SLC25A32: variants seen among roughly 807,000 people sequenced by gnomAD.
SLC25A32 encodes the protein Glycine auxotroph B, complementation of hamster.
In SLC25A32, 32 loss-of-function variants were observed where a neutral mutation model predicts 39.0. The observed-to-expected ratio is 0.82, with a 90% CI of 0.62 to 1.10. The LOEUF is 1.10. SLC25A32 is among the 50% of genes least tolerant of loss of function. The probability of loss-of-function intolerance (pLI) is 0.00; values close to 1 mark genes in which losing one functional copy is unlikely to be tolerated. For missense variants in SLC25A32, 367 were observed against 395.3 expected, an observed-to-expected ratio of 0.93 and a Z score of 0.61; for synonymous variants, 166 against 152.4, an observed-to-expected ratio of 1.09 and a Z score of -0.66.
intron 3 of SLC25A32, among the ~76,000 whole-genome samples, chr8:103,403,903 T>C (rs1236689069): frequency 6.6e-6 from 1 of 152,230 alleles, no homozygotes; most frequent in African/African-American, 2.4e-5. Flanking sequence ...AAAAAATTCA[T>C]CTGGTTAAGT....
At position 103,414,963 on chromosome 8, in the gene SLC25A32, G is replaced by A. The variant is rs771664298; in HGVS notation, c.-26C>T. ...AGGCTCGGGGCCCGTCGACACCACG[G>A]CGCCCAGGGCCGCGGAGGTGGGACG... On this transcript the variant is annotated 5_prime_UTR_variant, in exon 1 of 7. Transcript: ENST00000297578. 1 of 1,586,726 alleles carries A rather than the reference G, an allele frequency of 6.3e-7. No homozygotes were observed. Among genetic ancestry groups the A allele is most frequent in the East Asian group, 2.3e-5 (1 of 43,002 alleles).
rs1563721924 is a variant in SLC25A32 at position 103,414,809 on chromosome 8, G to A, written c.129C>T (p.Leu43=). Residue 43 remains leucine, a synonymous_variant, in exon 1 of 7, where the codon CTC becomes CTT. Transcript: ENST00000297578. The part of the protein sequence containing the change: ...GVLSNLALHP[L]DLVKIRFAVS... The stretch of plus-strand genomic sequence containing the variant: ...CGGCGAAGCGGATCTTCACGAGGTC[G>A]AGCGGATGCAGCGCAAGGTTGGATA... The A allele has an allele frequency of 1.9e-6, 3 of 1,613,690 alleles. No individual in the cohort carries two copies. Among genetic ancestry groups the A allele is most frequent in the Non-Finnish European group, 2.5e-6 (3 of 1,180,054 alleles).
intron 1 of SLC25A32, among the ~76,000 whole-genome samples, chr8:103,408,541 G>A (rs1816391091): frequency 6.6e-6 from 1 of 150,482 alleles, no homozygotes; most frequent in Admixed American, 6.6e-5. Context: ...AGACTGAGGA[G>A]TGGCAGGAAA....
intron 1 of SLC25A32, chr8:103,414,564 C>G: frequency 6.4e-6 from 4 of 620,456 alleles, no homozygotes; most frequent in Middle Eastern, 8.8e-4. Flanking sequence ...TCTCAGACTT[C>G]TCTACATACA....
At chr8:103,409,177 T>C (rs1485429933) in intron 1 of SLC25A32, among the ~76,000 whole-genome samples, 2 of 152,110 alleles carry the variant, frequency 1.3e-5, no homozygotes, top group Non-Finnish European at 1.5e-5. Context: ...ATAAGTAGAG[T>C]ATTAAGTATC....
chr8:103,404,127 T>G (rs1316985270), intron 3 of SLC25A32, among the ~76,000 whole-genome samples: 4 of 152,174 alleles, frequency 2.6e-5, no homozygotes. Context: ...AGTGAGGCGA[T>G]TAAACAAGGC....
Position 103,415,042 on chromosome 8 carries a change from C to T in SLC25A32, c.-105G>A, listed in dbSNP as rs746663173. On this transcript the variant is annotated 5_prime_UTR_variant, in exon 1 of 7. In the 5' UTR this introduces an upstream ATG that the reference lacks. Transcript: ENST00000297578. The stretch of plus-strand genomic sequence containing the variant: ...GTCGCCCCTTGTGAGCGCAACCCCA[C>T]CTCCGGGACCAACGAGAGGACTCTT... 4 of 1,595,188 alleles carry T rather than the reference C, an allele frequency of 2.5e-6. No homozygotes were observed. In the Admixed American group the frequency reaches 5.3e-5, roughly 21 times the overall value.
Position 103,400,129 on chromosome 8 carries a change from C to A in SLC25A32, c.*282G>T. ...GCAAATGTTGCAAATCAGCTTCCAC[C>A]AATAAAACGTAGAAATCTGTGAAAC... On this transcript the variant is annotated 3_prime_UTR_variant, in exon 7 of 7. Coordinates refer to ENST00000297578, the MANE Select transcript of SLC25A32 (RefSeq NM_030780.5). The A allele has an allele frequency of 2.6e-6, 1 of 380,276 alleles. No homozygotes were observed. Among genetic ancestry groups the A allele is most frequent in the Non-Finnish European group, 4.7e-6 (1 of 211,060 alleles). The allele number at this position is 380,276 out of a possible 1,614,324, so 23.6% of individuals were successfully genotyped here. A position where few individuals can be genotyped will look rare whatever the true frequency, so the allele number is the denominator to read the frequency against.
intron 4 of SLC25A32, 89 bp from the exon 5 acceptor site, chr8:103,402,143 CA>C: frequency 1.2e-6 from 1 of 802,054 alleles, no homozygotes; most frequent in Non-Finnish European, 1.9e-6. Flanking sequence ...TCTCTCATTA[CA>C]GCACTTTAAG....
rs1816219176 is a variant in SLC25A32 at position 103,401,580 on chromosome 8, C to A, written c.748G>T (p.Ala250Ser). The change falls in exon 6 of 7, where the codon GCT becomes TCT. Residue 250 changes from alanine (A) to serine (S), a missense_variant. Physicochemically the swap from Ala to Ser is moderately conservative, Grantham distance 99 (BLOSUM62 1). Coordinates refer to ENST00000297578, the MANE Select transcript of SLC25A32 (RefSeq NM_030780.5). ...AATYPYQVVR[A>S]RLQDQHMFYS... Reference sequence around the variant, plus strand: ...AACATGTGTTGATCCTGAAGACGAGCTCTTACGACTTGATATGGGTATGTT... The same window carrying A: ...AACATGTGTTGATCCTGAAGACGAGATCTTACGACTTGATATGGGTATGTT... The A allele has an allele frequency of 6.2e-7, 1 of 1,613,828 alleles. No individual in the cohort carries two copies. The highest frequency in any genetic ancestry group is 1.3e-5 in the African/African-American group (1 of 74,926).
At chr8:103,407,069 C>A (rs564091761) in intron 2 of SLC25A32, among the ~76,000 whole-genome samples, 1 of 152,030 alleles carries the variant, frequency 6.6e-6, no homozygotes, top group Non-Finnish European at 1.5e-5. Context: ...AATAACAAAC[C>A]GACTGATTCA....
chr8:103,408,111 G>C (rs1346829539), intron 1 of SLC25A32, among the ~76,000 whole-genome samples: 1 of 151,170 alleles, frequency 6.6e-6, no homozygotes, highest in African/African-American at 2.4e-5. Context: ...CCTAGTAGCT[G>C]GGATAACAGG....
chr8:103,403,138 T>C (rs1344784118), intron 4 of SLC25A32, 26 bp downstream of exon 4: 7 of 1,499,884 alleles, frequency 4.7e-6, no homozygotes, highest in Non-Finnish European at 1.8e-6. Context: ...TTTTCAGTTA[T>C]TTAAAATATA....
Position 103,414,804 on chromosome 8 carries a change from A to C in SLC25A32, c.134T>G (p.Leu45Arg), listed in dbSNP as rs535047258. The C allele has an allele frequency of 6.2e-7, 1 of 1,613,788 alleles. No individual in the cohort carries two copies. The highest frequency in any genetic ancestry group is 1.1e-5 in the South Asian group (1 of 91,086). ...LSNLALHPLD[L>R]VKIRFAVSDG... ...CTTACCGGCGAAGCGGATCTTCACG[A>C]GGTCGAGCGGATGCAGCGCAAGGTT... Residue 45 changes from leucine (L) to arginine (R), a missense_variant, in exon 1 of 7, where the codon CTC (leucine) becomes CGC (arginine). Coordinates refer to ENST00000297578, the MANE Select transcript of SLC25A32 (RefSeq NM_030780.5).
chr8:103,404,194 A>G (rs1482551795), intron 3 of SLC25A32, among the ~76,000 whole-genome samples: 1 of 152,242 alleles, frequency 6.6e-6, no homozygotes, highest in African/African-American at 2.4e-5. Context: ...ACTATACCAA[A>G]TCATTTTAAA....
chr8:103,409,008 T>C (rs1032970289), intron 1 of SLC25A32, among the ~76,000 whole-genome samples: 5 of 152,190 alleles, frequency 3.3e-5, no homozygotes, highest in Non-Finnish European at 7.3e-5. Flanking sequence ...TTTCATTTCA[T>C]CTCTCTGTAG....
In SLC25A32 at chr8:103,407,775, C is replaced by A. The variant is rs1332049392; in HGVS notation, c.164G>T (p.Gly55Val). ...LVKIRFAVSD[G>V]LELRPKYNGI... is the part of the protein sequence containing the mutation. ...ATTATATTTCGGTCTCAGTTCCAAT[C>A]CATCACTCACTGCATCAAGGGATAC... The change falls in exon 2 of 7, where the codon GGA becomes GTA. Residue 55 changes from glycine (G) to valine (V), a missense_variant. Coordinates refer to ENST00000297578, the MANE Select transcript of SLC25A32 (RefSeq NM_030780.5). The A allele has an allele frequency of 6.2e-7, 1 of 1,612,884 alleles. No homozygotes were observed. Among genetic ancestry groups the A allele is most frequent in the East Asian group, 2.2e-5 (1 of 44,802 alleles).
rs1428862093 is a variant in SLC25A32, at chr8:103,402,028, T to C, written c.579A>G (p.Thr193=). Residue 193 remains threonine (T), a synonymous_variant, in exon 5 of 7, where the codon ACA becomes ACG. Transcript: ENST00000297578. The part of the protein sequence containing the change: ...YKGFVPGLFG[T]SHGALQFMAY... ...CCATAAACTGAAGGGCACCATGCGATGTTCCAAACAGCCCAGGAACAAATC... is the reference window on the plus strand; with the variant it reads ...CCATAAACTGAAGGGCACCATGCGACGTTCCAAACAGCCCAGGAACAAATC... 3 of 1,612,940 alleles carry C rather than the reference T, an allele frequency of 1.9e-6. No homozygotes were observed. The highest frequency in any genetic ancestry group is 1.7e-6 in the Non-Finnish European group (2 of 1,179,394).
Position 103,404,826 on chromosome 8 carries a change from C to T in SLC25A32, c.341G>A (p.Arg114Lys), listed in dbSNP as rs1322976701. 6.2e-7 allele frequency: 1 copy of T among 1,613,264 alleles called. No individual in the cohort carries two copies. Among genetic ancestry groups the T allele is most frequent in the Non-Finnish European group, 8.5e-7 (1 of 1,179,370 alleles). ...NAIKSYKTEG[R>K]AERLEATEYL... ...TTCTGTTGCCTCTAAACGTTCAGCT[C>T]TTCCTTCTGTTTTATATGACTTGAT... Residue 114 changes from arginine to lysine, a missense_variant, in exon 3 of 7, where the codon AGA becomes AAA. Physicochemically the swap from Arg to Lys is conservative, Grantham distance 26 (BLOSUM62 2). Coordinates refer to ENST00000297578, the MANE Select transcript of SLC25A32 (RefSeq NM_030780.5).
Sources: allele counts gnomAD v4.1 joint callset (sites outside exome capture counted in the v4.1 genomes callset), GRCh38; gene constraint gnomAD v4.1.1; transcripts MANE v1.5; gene names NCBI Gene and HGNC (gene_info 2026-07-23, HGNC 2026-07-21).